The following GPC5 variants were observed in gnomAD, a reference collection of about 807,000 sequenced individuals.
GPC5 encodes glypican 5, also known as glypican-5.
A neutral mutation model predicts 53.9 loss-of-function variants in GPC5; 47 were observed. The observed-to-expected ratio is 0.87, with a 90% CI of 0.69 to 1.11. The LOEUF (loss-of-function observed/expected upper bound fraction) is 1.11, where lower values mean the gene tolerates loss of function less well. Ranked by LOEUF, GPC5 falls within the 50% of genes most tolerant of loss-of-function variation. GPC5 has a pLI of 0.00. For missense variants in GPC5, 748 were observed against 713.1 expected (o/e 1.05, Z -0.56); for synonymous variants, 286 against 263.3 (o/e 1.09, Z -0.84).
chr13:92,380,883 A>G (rs1209426827), intron 7 of GPC5, among the ~76,000 whole-genome samples: 1 of 151,894 alleles, frequency 6.6e-6, no homozygotes, highest in Admixed American at 6.6e-5. Context: ...CAATGTGCAC[A>G]TGTACCCTAA....
chr13:92,328,203 T>C (rs750875210), intron 7 of GPC5, among the ~76,000 whole-genome samples: 1 of 152,180 alleles, frequency 6.6e-6, no homozygotes, highest in Non-Finnish European at 1.5e-5. Context: ...ACAATAGATC[T>C]TCAATCTATA....
At chr13:92,407,502 G>A (rs1016426937) in intron 7 of GPC5, among the ~76,000 whole-genome samples, 58 of 151,798 alleles carry the variant, frequency 3.8e-4, no homozygotes, top group African/African-American at 6.5e-4. Context: ...TCCTTTTTAC[G>A]TACTAAGTCC....
chr13:92,814,386 C>T (rs1877392970), intron 7 of GPC5, among the ~76,000 whole-genome samples: 1 of 151,908 alleles, frequency 6.6e-6, no homozygotes, highest in African/African-American at 2.4e-5. Context: ...ATCGGCTGGG[C>T]ATGGTGTCTC....
intron 4 of GPC5, among the ~76,000 whole-genome samples, chr13:91,754,236 A>C (rs2140120303): frequency 6.6e-6 from 1 of 152,314 alleles, no homozygotes; most frequent in African/African-American, 2.4e-5. Context: ...GAAGGACTTT[A>C]AGTGAGTAAC....
chr13:92,631,917 A>G (rs1885252672), intron 7 of GPC5, among the ~76,000 whole-genome samples: 1 of 152,210 alleles, frequency 6.6e-6, no homozygotes. Flanking sequence ...GTCTCATTCC[A>G]AGATATCTCA....
At chr13:91,402,286 A>G (rs189691075) in intron 1 of GPC5, among the ~76,000 whole-genome samples, 1 of 152,222 alleles carries the variant, frequency 6.6e-6, no homozygotes, top group Non-Finnish European at 1.5e-5. Context: ...TCCTTGGTAG[A>G]TTTTGGCTAT....
intron 2 of GPC5, among the ~76,000 whole-genome samples, chr13:91,520,480 G>A (rs1399029423): frequency 1.3e-5 from 2 of 152,160 alleles, no homozygotes; most frequent in East Asian, 3.9e-4. Flanking sequence ...CCTTAAGAGA[G>A]AATGAGGTTC....
rs576635488 is a variant in GPC5, at chr13:91,757,159, A to G, written c.1280+739A>G. ...GTCATAAATTCTCCCTCTGTGGTCA[A>G]TTAAACTGGTTGGGGAAAAGTCTCT... is the stretch of plus-strand genomic sequence containing the variant. On this transcript the variant is annotated intron_variant, in intron 5 of 7. Transcript: ENST00000377067. 2.2e-3 allele frequency among the ~76,000 whole-genome samples: 331 copies of G among 152,210 alleles called. 1 individual carries two copies. Among genetic ancestry groups the G allele is most frequent in the African/African-American group, 7.7e-3 (321 of 41,532 alleles).
At chr13:91,455,131 A>G (rs1881450965) in intron 2 of GPC5, among the ~76,000 whole-genome samples, 1 of 151,914 alleles carries the variant, frequency 6.6e-6, no homozygotes, top group Non-Finnish European at 1.5e-5. Context: ...GGATATTTTA[A>G]TAATTTGTAA....
At chr13:92,808,884 T>G (rs1389460858) in intron 7 of GPC5, among the ~76,000 whole-genome samples, 1 of 152,154 alleles carries the variant, frequency 6.6e-6, no homozygotes. Context: ...CCAATATTAC[T>G]TGAAGAGGCT....
At chr13:91,487,452 A>T (rs1883675079) in intron 2 of GPC5, among the ~76,000 whole-genome samples, 1 of 152,224 alleles carries the variant, frequency 6.6e-6, no homozygotes, top group Admixed American at 6.5e-5. Context: ...TCTGTGATAG[A>T]TAATGACATT....
intron 7 of GPC5, among the ~76,000 whole-genome samples, chr13:92,290,047 C>G (rs939967277): frequency 1.3e-5 from 2 of 152,134 alleles, no homozygotes; most frequent in Non-Finnish European, 2.9e-5. Context: ...GTTTATGATA[C>G]TGAACCACAC....
chr13:91,591,683 C>A (rs543928977), intron 2 of GPC5, among the ~76,000 whole-genome samples: 5 of 152,270 alleles, frequency 3.3e-5, no homozygotes, highest in South Asian at 2.1e-4. Flanking sequence ...TCAAATAACT[C>A]ATTTTTCAAG....
rs11841533 is a variant in GPC5 at position 91,913,324 on chromosome 13, G to A, written c.1401+5267G>A. On this transcript the variant is annotated intron_variant, in intron 6 of 7. Coordinates refer to ENST00000377067, the MANE Select transcript of GPC5 (RefSeq NM_004466.6). ...TGAGGCAGAAGAATCGCTTGAACCCGGGAGATGGAGGTTGCAGTGAGCCAA... is the reference window on the plus strand; with the variant it reads ...TGAGGCAGAAGAATCGCTTGAACCCAGGAGATGGAGGTTGCAGTGAGCCAA... 5.5e-3 allele frequency among the ~76,000 whole-genome samples: 840 copies of A among 151,598 alleles called. 16 individuals are homozygous for A. The highest frequency in any genetic ancestry group is 0.018 in the African/African-American group (739 of 41,320).
At chr13:91,693,029 G>T (rs1180386493) in intron 2 of GPC5, among the ~76,000 whole-genome samples, 158 bp from the exon 3 acceptor site, 1 of 152,144 alleles carries the variant, frequency 6.6e-6, no homozygotes, top group South Asian at 2.1e-4. Flanking sequence ...TTCTTGTCCG[G>T]TCATTATCCT....
intron 6 of GPC5, among the ~76,000 whole-genome samples, chr13:92,083,769 C>G (rs548121084): frequency 2.6e-4 from 40 of 152,240 alleles, no homozygotes; most frequent in Non-Finnish European, 7.4e-5. Context: ...CTGTCTTCCA[C>G]AATGGTTGAA....
intron 7 of GPC5, among the ~76,000 whole-genome samples, chr13:92,518,447 G>C (rs1359146670): frequency 3.3e-5 from 5 of 152,180 alleles, no homozygotes; most frequent in Admixed American, 3.3e-4. Flanking sequence ...AACTCTACAA[G>C]CCAGAAGAGA....
intron 7 of GPC5, among the ~76,000 whole-genome samples, chr13:92,756,618 GC>G (rs1238858473): frequency 2.7e-5 from 4 of 147,380 alleles, no homozygotes; most frequent in Non-Finnish European, 3.0e-5. Context: ...AAGCTGATAA[GC>G]AACTTCAGCA....
chr13:92,034,306 G>A (rs1201668257), intron 6 of GPC5, among the ~76,000 whole-genome samples: 12 of 152,166 alleles, frequency 7.9e-5, no homozygotes, highest in African/African-American at 2.6e-4. Context: ...GACCAGCCTG[G>A]TCAACATGGT....
Sources: gnomAD v4.1 joint callset for allele counts (sites outside exome capture counted in the v4.1 genomes callset) on GRCh38, gnomAD v4.1.1 for gene constraint, MANE v1.5 for transcripts, NCBI Gene and HGNC (gene_info 2026-07-23, HGNC 2026-07-21) for gene names.